The following LRRC2 variants were observed in gnomAD, a reference collection of about 807,000 sequenced individuals.
The protein encoded by LRRC2 is leucine-rich repeat-containing protein 2.
Under a neutral mutation model 40.2 loss-of-function variants are expected in LRRC2, and 27 were observed. The ratio of observed to expected loss-of-function variants is 0.67; its 90% CI spans 0.49 to 0.93. The LOEUF (loss-of-function observed/expected upper bound fraction) is 0.93, where lower values mean the gene tolerates loss of function less well. Among genes scored for constraint, LRRC2 ranks in the 40% least tolerant of loss-of-function variants. The pLI is 0.00. For missense variants in LRRC2, 402 were observed against 439.6 expected (o/e 0.91, Z 0.76); for synonymous variants, 147 against 158.9 (o/e 0.92, Z 0.56).
intron 1 of LRRC2, among the ~76,000 whole-genome samples, chr3:46,554,538 G>T (rs867004161): frequency 2.6e-5 from 4 of 151,842 alleles, no homozygotes; most frequent in African/African-American, 9.7e-5. Flanking sequence ...CCAGCTACTC[G>T]GGAGGCTGAG....
intron 3 of LRRC2, among the ~76,000 whole-genome samples, chr3:46,541,077 T>C (rs1335519909): frequency 6.6e-6 from 1 of 152,204 alleles, no homozygotes; most frequent in Non-Finnish European, 1.5e-5. Flanking sequence ...CTCACGCCTG[T>C]AATCCCAGCA....
At chr3:46,551,404 T>G in intron 2 of LRRC2, 63 bp downstream of exon 2, 2 of 1,570,972 alleles carry the variant, frequency 1.3e-6, no homozygotes, top group Non-Finnish European at 1.7e-6. Flanking sequence ...ACAACGCAAC[T>G]GTTGCCTGTC....
At chr3:46,534,432 C>CTTTCTTTCTTT (rs1309544743) in intron 4 of LRRC2, among the ~76,000 whole-genome samples, 2 of 126,524 alleles carry the variant, frequency 1.6e-5, no homozygotes, top group African/African-American at 4.6e-5. Context: ...TCCTTTCTTT[C>CTTTCTTTCTTT]TTTCTTTCTT....
chr3:46,525,744 A>G lies in LRRC2; in HGVS notation c.929+1682T>C, dbSNP rs552273198. Among the ~76,000 whole-genome samples, 23 of 152,276 alleles carry G rather than the reference A, an allele frequency of 1.5e-4. No individual in the cohort carries two copies. In the South Asian group the frequency reaches 4.8e-3, roughly 32 times the overall value. ...AATTTTTGGAAGAAATCACATCTTT[A>G]CCGCCTTTTCACCCAGAAAAGATAC... On this transcript the variant is annotated intron_variant, in intron 7 of 8. Transcript: ENST00000395905.
intron 4 of LRRC2, among the ~76,000 whole-genome samples, chr3:46,538,168 A>T (rs1396786573): frequency 6.6e-6 from 1 of 152,214 alleles, no homozygotes; most frequent in Non-Finnish European, 1.5e-5. Context: ...TTTTCACATA[A>T]CTATGCGAAA....
chr3:46,547,681 A>G (rs1445401193), intron 2 of LRRC2, among the ~76,000 whole-genome samples: 1 of 130,496 alleles, frequency 7.7e-6, no homozygotes, highest in African/African-American at 2.9e-5. Context: ...AAAAAAAAAT[A>G]TATATATAAC....
In LRRC2 at chr3:46,546,696, C is replaced by G. The variant is rs376763437; in HGVS notation, c.126-1443G>C. 5.8e-4 allele frequency among the ~76,000 whole-genome samples: 87 copies of G among 149,816 alleles called. 1 individual carries two copies. Among genetic ancestry groups the G allele is most frequent in the African/African-American group, 1.3e-3 (52 of 40,788 alleles). The stretch of plus-strand genomic sequence containing the variant: ...TGGAGGGACAACCCTCTCCCACCCC[C>G]AGAAACACCAATTTGCTCCTTTTTT... On this transcript the variant is annotated intron_variant, in intron 2 of 8. Transcript: ENST00000395905.
intron 7 of LRRC2, among the ~76,000 whole-genome samples, chr3:46,526,719 G>A (rs1044020986): frequency 2.0e-5 from 3 of 152,236 alleles, no homozygotes; most frequent in Admixed American, 6.5e-5. Context: ...AAATATTCTC[G>A]CTAGTGGTTG....
intron 1 of LRRC2, among the ~76,000 whole-genome samples, chr3:46,556,313 G>T (rs1417878333): frequency 6.6e-6 from 1 of 151,862 alleles, no homozygotes; most frequent in Non-Finnish European, 1.5e-5. Flanking sequence ...TTTTTGCAGC[G>T]ATAAGGTCTC....
chr3:46,530,117 T>G, intron 5 of LRRC2, 67 bp from the exon 6 acceptor site: 1 of 1,275,712 alleles, frequency 7.8e-7, no homozygotes, highest in Non-Finnish European at 1.1e-6. Flanking sequence ...AACTAATAAT[T>G]TTAAGATGGA....
rs1190634981 is a variant in LRRC2, at chr3:46,527,522, G to T, written c.833C>A (p.Ser278Tyr). ...AGTGAGCTTCTTCAGGTTCAGCATGGAATAGGGAAGGTAGGTCAACTTGTT... is the reference window on the plus strand; with the variant it reads ...AGTGAGCTTCTTCAGGTTCAGCATGTAATAGGGAAGGTAGGTCAACTTGTT... ...YKNKLTYLPY[S>Y]MLNLKKLTLL... The change falls in exon 7 of 9, where the codon TCC becomes TAC. Residue 278 changes from serine to tyrosine, a missense_variant. Ser to Tyr is a moderately radical substitution (Grantham distance 144). Transcript: ENST00000395905. 4 of 1,613,804 alleles carry T rather than the reference G, an allele frequency of 2.5e-6. No individual in the cohort carries two copies. Among genetic ancestry groups the T allele is most frequent in the Admixed American group, 1.7e-5 (1 of 59,984 alleles).
In LRRC2 at chr3:46,552,667, C is replaced by T. The variant is rs1175233037; in HGVS notation, c.-19-1057G>A. On this transcript the variant is annotated intron_variant, in intron 1 of 8. Transcript: ENST00000395905. ...GCCACCACCAGTCTCTGCCTCTCCT[C>T]CCCAATATCCCCAGCCCTCATCATC... 3.3e-5 allele frequency among the ~76,000 whole-genome samples: 5 copies of T among 152,098 alleles called. No individual in the cohort carries two copies. The East Asian group carries it at 7.7e-4, about 23-fold the overall frequency.
intron 1 of LRRC2, among the ~76,000 whole-genome samples, chr3:46,556,109 T>A (rs1169938562): frequency 6.6e-6 from 1 of 151,848 alleles, no homozygotes; most frequent in East Asian, 1.9e-4. Context: ...TCTTGCTACT[T>A]TCTTTTTTTT....
intron 4 of LRRC2, among the ~76,000 whole-genome samples, chr3:46,535,008 G>A (rs867755328): frequency 5.3e-5 from 8 of 152,244 alleles, no homozygotes; most frequent in Non-Finnish European, 1.0e-4. Flanking sequence ...AACATGCCCT[G>A]AACTAATATA....
intron 1 of LRRC2, among the ~76,000 whole-genome samples, chr3:46,554,457 A>G (rs766644401): frequency 2.6e-5 from 4 of 152,080 alleles, no homozygotes; most frequent in Non-Finnish European, 5.9e-5. Context: ...CACCCTGGCC[A>G]ATATGGTGAA....
chr3:46,563,699 C>G (rs990349732), intron 1 of LRRC2, among the ~76,000 whole-genome samples: 1 of 152,164 alleles, frequency 6.6e-6, no homozygotes, highest in African/African-American at 2.4e-5. Context: ...GTCCATGGAC[C>G]AAGCCATAGA....
At position 46,545,241 on chromosome 3, in the gene LRRC2, C is replaced by T. The variant is rs753407861; in HGVS notation, c.138G>A (p.Glu46=). 4 of 1,614,134 alleles carry T rather than the reference C, an allele frequency of 2.5e-6. No individual in the cohort carries two copies. The Admixed American group carries it at 6.7e-5, about 27-fold the overall frequency. ...TCCTGCATTCGGCCACAAAGTTCCA[C>T]TCCTCCTTTATCCTAAAACAGGCAG... The part of the protein sequence containing the change: ...EKSALEKIKE[E]WNFVAECRRK... The change falls in exon 3 of 9, where the codon GAG becomes GAA. Residue 46 remains glutamate (E), a synonymous_variant. Transcript: ENST00000395905.
At chr3:46,556,243 TC>T (rs1266771093) in intron 1 of LRRC2, among the ~76,000 whole-genome samples, 1 of 151,750 alleles carries the variant, frequency 6.6e-6, no homozygotes, top group African/African-American at 2.4e-5. Context: ...TCTCAGCCTC[TC>T]AAGTAGCTGG....
At chr3:46,537,000 TC>T (rs1704280519) in intron 4 of LRRC2, among the ~76,000 whole-genome samples, 1 of 152,160 alleles carries the variant, frequency 6.6e-6, no homozygotes, top group South Asian at 2.1e-4. Flanking sequence ...TAATACCCCA[TC>T]TATCTTGCTG....
Sources: allele counts gnomAD v4.1 joint callset (sites outside exome capture counted in the v4.1 genomes callset), GRCh38; gene constraint gnomAD v4.1.1; transcripts MANE v1.5; gene names NCBI Gene and HGNC (gene_info 2026-07-23, HGNC 2026-07-21).